Variants in ACD observed in about 807,000 individuals in gnomAD.
ACD encodes the protein adrenocortical dysplasia protein homolog.
Under a neutral mutation model 53.9 loss-of-function variants are expected in ACD, and 39 were observed. The ratio of observed to expected loss-of-function variants is 0.72; its 90% CI spans 0.56 to 0.95. The LOEUF (loss-of-function observed/expected upper bound fraction) is 0.95, where lower values mean the gene tolerates loss of function less well. Ranked by LOEUF, ACD falls within the 40% of genes least tolerant of loss-of-function variation. The pLI is 0.00. For synonymous variants in ACD, 273 were observed against 249.2 expected (o/e 1.10, Z -0.90); for missense variants, 526 against 587.9 (o/e 0.89, Z 1.09).
In ACD at chr16:67,657,823, C is replaced by A. The variant is rs779041176; in HGVS notation, c.1237G>T (p.Ala413Ser). 7.4e-6 allele frequency: 12 copies of A among 1,614,010 alleles called. No individual in the cohort carries two copies. Among genetic ancestry groups the A allele is most frequent in the Non-Finnish European group, 1.0e-5 (12 of 1,180,038 alleles). ...EPPKRHRDGSAFQYEYEPPCT... is the reference protein window; with the variant it reads ...EPPKRHRDGSSFQYEYEPPCT... ...GGTGGCTCATACTCATACTGGAAGG[C>A]AGAACCATCACGATGCCTCTTTGGG... Residue 413 changes from alanine (A) to serine (S), a missense_variant, in exon 11 of 12, where the codon GCC becomes TCC. By Grantham distance (99) the Ala-to-Ser change is moderately conservative. Transcript: ENST00000620761. The surrounding 1 kb of genome is among the most constrained non-coding windows in gnomAD (Gnocchi z 4.5).
chr16:67,660,186 C>T lies in ACD; in HGVS notation c.35G>A (p.Trp12Ter). The T allele has an allele frequency of 6.2e-7, 1 of 1,612,660 alleles. No homozygotes were observed. ...TGACCCCAGAATCAGCTCCCGAATC[C>T]AGGGCCGTAGGACCAGCCTCCCCGA... ...AGSGRLVLRP[W>*]IRELILGSET... The change falls in exon 1 of 12, where the codon TGG becomes TAG. Residue 12 changes from tryptophan (W) to a stop codon, truncating the protein, a stop_gained. Transcript: ENST00000620761. LOFTEE classifies it high-confidence loss of function.
At chr16:67,659,112 C>A (rs2052940717) in intron 6 of ACD, 33 bp from the exon 7 acceptor site, 1 of 1,610,432 alleles carries the variant, frequency 6.2e-7, no homozygotes, top group Non-Finnish European at 8.5e-7. Flanking sequence ...TGAGTCAAGG[C>A]TTAAAGGGGA....
Position 67,657,796 on chromosome 16 carries a change from A to G in ACD, c.1264T>C (p.Cys422Arg). The G allele has an allele frequency of 2.5e-6, 4 of 1,614,120 alleles. No homozygotes were observed. Among genetic ancestry groups the G allele is most frequent in the Non-Finnish European group, 3.4e-6 (4 of 1,180,030 alleles). ...TGGACCCGAGCACAGAGGGACGTGC[A>G]GGGTGGCTCATACTCATACTGGAAG... The part of the protein sequence containing the change: ...SAFQYEYEPP[C>R]TSLCARVQAV... The change falls in exon 11 of 12, where the codon TGC becomes CGC. Residue 422 changes from cysteine (C) to arginine (R), a missense_variant. Cys to Arg is a radical substitution (Grantham distance 180, BLOSUM62 -3). Transcript: ENST00000620761. This position sits in a 1 kb window ranked among gnomAD's most constrained non-coding sequence, Gnocchi z 4.5.
rs919143933 is a variant in ACD, at chr16:67,658,719, C to T, written c.742+1G>A. On this transcript the variant is annotated splice_donor_variant, in intron 8 of 11. Coordinates refer to ENST00000620761, the MANE Select transcript of ACD (RefSeq NM_001082486.2). LOFTEE classifies it high-confidence loss of function. Reference sequence around the variant, plus strand: ...CCCCCAACCTCTCCAGTCCCCCTTACCCTGTGTCCTCTGACAGGGGCCTAG... The same window carrying T: ...CCCCCAACCTCTCCAGTCCCCCTTATCCTGTGTCCTCTGACAGGGGCCTAG... 1.2e-6 allele frequency: 2 copies of T among 1,610,612 alleles called. No homozygotes were observed. The highest frequency in any genetic ancestry group is 1.7e-5 in the Admixed American group (1 of 59,694).
chr16:67,657,581 A>G lies in ACD; in HGVS notation c.*25T>C. ...AAAACTCAAAGGAAGCAGAGTGTGG[A>G]GCGGTATCTGTCCTGCGTGACGTCT... is the stretch of plus-strand genomic sequence containing the variant. On this transcript the variant is annotated 3_prime_UTR_variant, in exon 12 of 12. Coordinates refer to ENST00000620761, the MANE Select transcript of ACD (RefSeq NM_001082486.2). This position sits in a 1 kb window ranked among gnomAD's most constrained non-coding sequence, Gnocchi z 4.5. 1 of 1,614,106 alleles carries G rather than the reference A, an allele frequency of 6.2e-7. No individual in the cohort carries two copies. The highest frequency in any genetic ancestry group is 1.1e-5 in the South Asian group (1 of 91,086).
chr16:67,657,861 G>A lies in ACD; in HGVS notation c.1207-8C>T, dbSNP rs201192255. ...ATGCCTCTTTGGGGGTTCCTGAAAG[G>A]GGTATGGTGTCTGGGGAAGAGCTAA... On this transcript the variant is annotated splice_region_variant and splice_polypyrimidine_tract_variant and intron_variant, in intron 10 of 11. Transcript: ENST00000620761. The surrounding 1 kb of genome is among the most constrained non-coding windows in gnomAD (Gnocchi z 4.5). 9.9e-6 allele frequency: 16 copies of A among 1,613,940 alleles called. No individual in the cohort carries two copies. The Admixed American group carries it at 2.7e-4, about 27-fold the overall frequency.
In ACD at chr16:67,660,013, G is replaced by A. The variant is rs138527794; in HGVS notation, c.132C>T (p.Gly44=). Residue 44 remains glycine, a synonymous_variant, in exon 2 of 12, where the codon GGC becomes GGT. Coordinates refer to ENST00000620761, the MANE Select transcript of ACD (RefSeq NM_001082486.2). The part of the protein sequence containing the change: ...VLQDAEAAVA[G]PSHAPDTSDV... ...CGGACGTATCAGGGGCGTGGGATGG[G>A]CCCGCGACCGCGGCCTCGGCGTCCT... 3,656 of 1,606,706 alleles carry A rather than the reference G, an allele frequency of 2.3e-3. 13 individuals carry two copies. The highest frequency in any genetic ancestry group is 8.3e-3 in the Middle Eastern group (50 of 6,048).
At position 67,657,974 on chromosome 16, in the gene ACD, G is replaced by A. The variant is rs201801180; in HGVS notation, c.1206+12C>T. ...TTGTTCTACCCTCCAGCTGCAGAGG[G>A]GCTATGCTCACCCAGACAGAGCAGG... On this transcript the variant is annotated intron_variant, in intron 10 of 11. Transcript: ENST00000620761. The surrounding 1 kb of genome is among the most constrained non-coding windows in gnomAD (Gnocchi z 4.5). The A allele has an allele frequency of 5.1e-6, 8 of 1,581,648 alleles. No individual in the cohort carries two copies. Among genetic ancestry groups the A allele is most frequent in the Non-Finnish European group, 6.9e-6 (8 of 1,162,158 alleles).
At chr16:67,658,483 C>T (rs1039668236) in intron 9 of ACD, 72 bp downstream of exon 9, 26 of 1,584,960 alleles carry the variant, frequency 1.6e-5, no homozygotes, top group Non-Finnish European at 2.1e-5. Context: ...GCACCTTTCA[C>T]AGCATCCTGC....
chr16:67,659,367 A>G lies in ACD; in HGVS notation c.458+8T>C. On this transcript the variant is annotated splice_region_variant and intron_variant, in intron 5 of 11. Coordinates refer to ENST00000620761, the MANE Select transcript of ACD (RefSeq NM_001082486.2). Reference sequence around the variant, plus strand: ...ACACGTGGCCCCCGAGCCCAACCCCAGACTCACTCAAGGCAGTCATAGAGC... The same window carrying G: ...ACACGTGGCCCCCGAGCCCAACCCCGGACTCACTCAAGGCAGTCATAGAGC... The G allele has an allele frequency of 6.2e-7, 1 of 1,614,042 alleles. No individual in the cohort carries two copies. Among genetic ancestry groups the G allele is most frequent in the South Asian group, 1.1e-5 (1 of 91,084 alleles).
rs1451674308 is a variant in ACD, at chr16:67,659,008, C to T, written c.565G>A (p.Ala189Thr). The T allele has an allele frequency of 6.2e-7, 1 of 1,613,820 alleles. No individual in the cohort carries two copies. Among genetic ancestry groups the T allele is most frequent in the African/African-American group, 1.3e-5 (1 of 74,926 alleles). ...QEHQGALVCL[A>T]ESCLTLEGPC... ...CCCTCCAGTGTCAGGCAGCTTTCAG[C>T]CAGGCACACGAGTGCCCCCTGATGC... Residue 189 changes from alanine to threonine, a missense_variant, in exon 7 of 12, where the codon GCT becomes ACT. Transcript: ENST00000620761.
chr16:67,659,848 C>T, intron 2 of ACD, 53 bp from the exon 3 acceptor site: 1 of 1,581,868 alleles, frequency 6.3e-7, no homozygotes, highest in Non-Finnish European at 8.6e-7. Context: ...AAGGCCCGCC[C>T]ACCTCGCGCT....
In ACD at chr16:67,659,520, G is replaced by C. The variant is rs776746215; in HGVS notation, c.413+17C>G. On this transcript the variant is annotated intron_variant, in intron 4 of 11. Coordinates refer to ENST00000620761, the MANE Select transcript of ACD (RefSeq NM_001082486.2). ...CTGGGGTGGGGAGAGCTGCTGGAGG[G>C]CGGAGGCATCACTTACCAACCAGGC... 6.2e-7 allele frequency: 1 copy of C among 1,613,292 alleles called. No homozygotes were observed.
chr16:67,657,987 C>T lies in ACD; in HGVS notation c.1205G>A (p.Trp402Ter), dbSNP rs761750721. ...CAGCTGCAGAGGGGCTATGCTCACC[C>T]AGACAGAGCAGGGCTCCTGGGCTCC... ...TRGAQEPCSV[W>*]EPPKRHRDGS... Residue 402 changes from tryptophan (W) to a stop codon, truncating the protein, a stop_gained and splice_region_variant, in exon 10 of 12, where the codon TGG becomes TAG. Transcript: ENST00000620761. LOFTEE classifies it high-confidence loss of function. The surrounding 1 kb of genome is among the most constrained non-coding windows in gnomAD (Gnocchi z 4.5). The T allele has an allele frequency of 3.8e-6, 6 of 1,568,786 alleles. No individual in the cohort carries two copies. The highest frequency in any genetic ancestry group is 1.7e-4 in the Middle Eastern group (1 of 5,842).
At position 67,658,649 on chromosome 16, in the gene ACD, G is replaced by A. The variant is rs1360796945; in HGVS notation, c.743-8C>T. ...GTGGGGGCAGCTCAGGGCCTGGGGG[G>A]TTCAGGAAGTCTTATCAGCACTGTG... On this transcript the variant is annotated splice_region_variant and splice_polypyrimidine_tract_variant and intron_variant, in intron 8 of 11. Transcript: ENST00000620761. 3 of 1,580,844 alleles carry A rather than the reference G, an allele frequency of 1.9e-6. No homozygotes were observed. The highest frequency in any genetic ancestry group is 8.6e-7 in the Non-Finnish European group (1 of 1,161,330).
At chr16:67,658,447 G>C in intron 9 of ACD, 85 bp from the exon 10 acceptor site, 1 of 1,604,098 alleles carries the variant, frequency 6.2e-7, no homozygotes, top group Non-Finnish European at 8.5e-7. Flanking sequence ...GGACTGCAGG[G>C]ACCGTGTTCA....
In ACD at chr16:67,660,167, C is replaced by T. The variant is rs1202594978; in HGVS notation, c.54G>A (p.Leu18=). 1.2e-6 allele frequency: 2 copies of T among 1,612,640 alleles called. No homozygotes were observed. The highest frequency in any genetic ancestry group is 2.2e-5 in the East Asian group (1 of 44,870). ...VLRPWIRELI[L]GSETPSSPRA... ...GTGGACTGGAGGGTGTCTCTGACCC[C>T]AGAATCAGCTCCCGAATCCAGGGCC... Residue 18 remains leucine (L), a synonymous_variant, in exon 1 of 12, where the codon CTG becomes CTA. Transcript: ENST00000620761.
At position 67,659,387 on chromosome 16, in the gene ACD, T is replaced by C. The variant is rs200909340; in HGVS notation, c.446A>G (p.Tyr149Cys). 1.6e-5 allele frequency: 26 copies of C among 1,613,912 alleles called. No individual in the cohort carries two copies. The highest frequency in any genetic ancestry group is 1.1e-4 in the East Asian group (5 of 44,874). Residue 149 changes from tyrosine (Y) to cysteine (C), a missense_variant, in exon 5 of 12, where the codon TAT becomes TGT. Physicochemically the swap from Tyr to Cys is radical, Grantham distance 194. Transcript: ENST00000620761. ...ACCCCAGACTCACTCAAGGCAGTCA[T>C]AGAGCTTTTTCTGAACATCTAAGTC... is the stretch of plus-strand genomic sequence containing the variant. ...NQDLDVQKKLYDCLEEHLSES... is the reference protein window; with the variant it reads ...NQDLDVQKKLCDCLEEHLSES...
chr16:67,659,213 T>C lies in ACD; in HGVS notation c.493+16A>G, dbSNP rs1289886205. On this transcript the variant is annotated intron_variant, in intron 6 of 11. Transcript: ENST00000620761. ...CTGCACAGCGTGTTAGGATCACTGG[T>C]CAAGCTCTACAGTACCTGCATTGGA... 2.5e-6 allele frequency: 4 copies of C among 1,613,892 alleles called. No individual in the cohort carries two copies. The highest frequency in any genetic ancestry group is 3.4e-6 in the Non-Finnish European group (4 of 1,179,966).
Sources: gnomAD v4.1 joint callset for allele counts on GRCh38, gnomAD v4.1.1 for gene constraint, Gnocchi (gnomAD v3.1) non-coding constraint, MANE v1.5 for transcripts, NCBI Gene and HGNC (gene_info 2026-07-23, HGNC 2026-07-21) for gene names.